Variants in EVC2 observed in about 807,000 individuals in gnomAD.
The protein encoded by EVC2 is limbin.
Under a neutral mutation model 149.3 loss-of-function variants are expected in EVC2, and 148 were observed. The observed-to-expected ratio is 0.99, with a 90% confidence interval of 0.87 to 1.14. The LOEUF (loss-of-function observed/expected upper bound fraction) is 1.14, where lower values mean the gene tolerates loss of function less well. EVC2 is among the 50% of genes most tolerant of loss of function. The pLI is 0.00. For missense variants in EVC2, 1,854 were observed against 1,627.3 expected (o/e 1.14, Z -2.40); for synonymous variants, 776 against 649.9 (o/e 1.19, Z -2.95).
intron 1 of EVC2, among the ~76,000 whole-genome samples, chr4:5,707,656 C>T (rs1212158792): frequency 6.6e-6 from 1 of 152,026 alleles, no homozygotes; most frequent in Non-Finnish European, 1.5e-5. Flanking sequence ...TGAGGAGGGG[C>T]AGACATCCGA....
At chr4:5,675,844 C>G (rs570423016) in intron 7 of EVC2, among the ~76,000 whole-genome samples, 1 of 152,074 alleles carries the variant, frequency 6.6e-6, no homozygotes, top group African/African-American at 2.4e-5. Flanking sequence ...CTCAGGAGGC[C>G]GAGGCAGGAG....
chr4:5,547,677 GCTC>G (rs1404802321), intron 21 of EVC2, among the ~76,000 whole-genome samples: 1 of 152,250 alleles, frequency 6.6e-6, no homozygotes, highest in Non-Finnish European at 1.5e-5. Context: ...ACTCAATAAA[GCTC>G]CTCTTCACCT....
chr4:5,670,230 T>C lies in EVC2; in HGVS notation c.871-4581A>G, dbSNP rs1490915723. On this transcript the variant is annotated intron_variant, in intron 7 of 21. Coordinates refer to ENST00000344408, the MANE Select transcript of EVC2 (RefSeq NM_147127.5). The surrounding 1 kb of genome is among the most constrained non-coding windows in gnomAD (Gnocchi z 5.2). ...CCACCATGATTATCAACATCATCAA[T>C]ATCCCCATCATAACTATCTTTACCA... Among the ~76,000 whole-genome samples the C allele has an allele frequency of 6.6e-6, 1 of 152,090 alleles. No homozygotes were observed. Among genetic ancestry groups the C allele is most frequent in the African/African-American group, 2.4e-5 (1 of 41,410 alleles).
At chr4:5,707,634 G>C (rs1336567760) in intron 1 of EVC2, among the ~76,000 whole-genome samples, 2 of 152,098 alleles carry the variant, frequency 1.3e-5, no homozygotes, top group African/African-American at 4.8e-5. Flanking sequence ...GCCAGGGAGT[G>C]GCAGTGGGGA....
rs1329588130 is a variant in EVC2, at chr4:5,574,669, G to A, written c.3360+16C>T. 1.2e-6 allele frequency: 2 copies of A among 1,613,526 alleles called. No individual in the cohort carries two copies. Among genetic ancestry groups the A allele is most frequent in the South Asian group, 1.1e-5 (1 of 91,064 alleles). On this transcript the variant is annotated intron_variant, in intron 19 of 21. Coordinates refer to ENST00000344408, the MANE Select transcript of EVC2 (RefSeq NM_147127.5). Reference sequence around the variant, plus strand: ...CTGGCAAGGGGTGGCCTCAGACCCTGCCAGTACCTTCTCACCTGGCTGCAC... The same window carrying A: ...CTGGCAAGGGGTGGCCTCAGACCCTACCAGTACCTTCTCACCTGGCTGCAC...
In EVC2 at chr4:5,602,690, A is replaced by G. The variant is rs372764415; in HGVS notation, c.2829+12732T>C. Among the ~76,000 whole-genome samples the G allele has an allele frequency of 1.1e-4, 17 of 152,358 alleles. No homozygotes were observed. The East Asian group carries it at 1.7e-3, about 16-fold the overall frequency. On this transcript the variant is annotated intron_variant, in intron 16 of 21. Transcript: ENST00000344408. ...AACTGTAGGTAACATTTACATGCTT[A>G]TAATCATAGAAGCCATAAATACTGA...
chr4:5,597,670 C>T (rs1486325285), intron 16 of EVC2, among the ~76,000 whole-genome samples: 1 of 148,554 alleles, frequency 6.7e-6, no homozygotes, highest in East Asian at 2.2e-4. Flanking sequence ...GACAGGGATG[C>T]CCTCTCTCAC....
intron 21 of EVC2, among the ~76,000 whole-genome samples, chr4:5,544,394 T>C (rs929206571): frequency 4.6e-5 from 7 of 152,190 alleles, no homozygotes; most frequent in African/African-American, 1.7e-4. Context: ...GGAAATAATT[T>C]GATTATCCGT....
intron 6 of EVC2, 102 bp downstream of exon 6, chr4:5,685,264 TGAAG>T (rs1210123019): frequency 2.1e-5 from 23 of 1,112,832 alleles, no homozygotes; most frequent in Admixed American, 3.4e-5. Flanking sequence ...GTGGCATCAC[TGAAG>T]GAAGGAAGGA....
intron 1 of EVC2, 98 bp from the exon 2 acceptor site, chr4:5,697,745 AC>A: frequency 1.9e-6 from 2 of 1,047,596 alleles, no homozygotes; most frequent in Admixed American, 2.3e-5. Context: ...GAGGACATGC[AC>A]TTTTTTTTTT....
At chr4:5,615,163 C>T (rs927343196) in intron 16 of EVC2, among the ~76,000 whole-genome samples, 2 of 152,076 alleles carry the variant, frequency 1.3e-5, no homozygotes, top group Non-Finnish European at 2.9e-5. Context: ...GAGGCAGCAC[C>T]CGAGGTGAAG....
intron 16 of EVC2, among the ~76,000 whole-genome samples, chr4:5,612,397 G>A (rs1714889604): frequency 6.6e-6 from 1 of 152,182 alleles, no homozygotes; most frequent in South Asian, 2.1e-4. Flanking sequence ...AGGAAGGAAT[G>A]TGCTTAGTTC....
intron 19 of EVC2, among the ~76,000 whole-genome samples, chr4:5,568,846 G>A (rs1722475803): frequency 6.6e-6 from 1 of 152,264 alleles, no homozygotes; most frequent in East Asian, 1.9e-4. Flanking sequence ...CGCTTCTAAA[G>A]CCTCCATCCA....
chr4:5,594,408 G>C lies in EVC2; in HGVS notation c.2830-9558C>G, dbSNP rs1293392556. ...GGAACGATCAGACAGCAGCATTCGC[G>C]GTTCATGAAAATCCGCTGTTCTGCA... On this transcript the variant is annotated intron_variant, in intron 16 of 21. Coordinates refer to ENST00000344408, the MANE Select transcript of EVC2 (RefSeq NM_147127.5). Among the ~76,000 whole-genome samples, 4 of 152,156 alleles carry C rather than the reference G, an allele frequency of 2.6e-5. No homozygotes were observed. The East Asian group carries it at 7.7e-4, about 29-fold the overall frequency.
the EVC2 span, among the ~76,000 whole-genome samples, chr4:5,533,226 T>C: frequency 6.6e-6 from 1 of 152,058 alleles, no homozygotes; most frequent in Non-Finnish European, 1.5e-5. Context: ...CGATTTTTAA[T>C]AGGGCAACTA....
chr4:5,588,405 G>A (rs1712490778), intron 16 of EVC2, among the ~76,000 whole-genome samples: 1 of 152,138 alleles, frequency 6.6e-6, no homozygotes, highest in Non-Finnish European at 1.5e-5. Flanking sequence ...GGGATACACT[G>A]AGCTTCTTAA....
intron 7 of EVC2, among the ~76,000 whole-genome samples, chr4:5,666,344 G>A (rs1486268874): frequency 6.6e-6 from 1 of 152,158 alleles, no homozygotes. Flanking sequence ...GCTCACTGCA[G>A]AGTAAAGTAA....
intron 1 of EVC2, among the ~76,000 whole-genome samples, chr4:5,699,262 T>G (rs1254961200): frequency 6.6e-6 from 1 of 152,184 alleles, no homozygotes; most frequent in Non-Finnish European, 1.5e-5. Context: ...CACCCCAGCA[T>G]TCCCCATTGA....
chr4:5,615,652 C>T (rs1330801480), intron 15 of EVC2, 108 bp from the exon 16 acceptor site: 2 of 1,490,914 alleles, frequency 1.3e-6, no homozygotes, highest in African/African-American at 2.8e-5. Flanking sequence ...GCTCCCAGAA[C>T]TGCAAAACTC....
Sources: allele counts gnomAD v4.1 joint callset (sites outside exome capture counted in the v4.1 genomes callset), GRCh38; gene constraint gnomAD v4.1.1; non-coding constraint Gnocchi (gnomAD v3.1); transcripts MANE v1.5; gene names NCBI Gene and HGNC (gene_info 2026-07-23, HGNC 2026-07-21).